Variants in KAZN observed in about 807,000 individuals in gnomAD.
KAZN encodes kazrin.
Under a neutral mutation model 87.4 loss-of-function variants are expected in KAZN, and 40 were observed. That is an observed-to-expected ratio of 0.46 (90% CI 0.36 to 0.60). The LOEUF is 0.60. KAZN is among the 20% of genes least tolerant of loss of function. KAZN has a pLI of 0.00. For synonymous variants in KAZN, 466 were observed against 458.3 expected (o/e 1.02, Z -0.22); for missense variants, 898 against 1,073.9 (o/e 0.84, Z 2.29).
chr1:14,947,121 C>T (rs1271336851), intron 1 of KAZN, among the ~76,000 whole-genome samples: 4 of 152,198 alleles, frequency 2.6e-5, no homozygotes, highest in Non-Finnish European at 5.9e-5. Flanking sequence ...TGGGCTCTCC[C>T]GGCCGTTGTA....
intron 2 of KAZN, among the ~76,000 whole-genome samples, chr1:14,237,709 C>A (rs1427766909): frequency 2.6e-5 from 4 of 152,022 alleles, no homozygotes; most frequent in Non-Finnish European, 5.9e-5. Flanking sequence ...AGTGCAAGGC[C>A]ATAGGGATAT....
intron 1 of KAZN, among the ~76,000 whole-genome samples, chr1:14,132,669 T>C (rs1366592541): frequency 6.6e-6 from 1 of 152,106 alleles, no homozygotes; most frequent in Admixed American, 6.5e-5. Context: ...AGCCAAAACC[T>C]GCCTTCTGAT....
At chr1:14,292,715 C>T (rs1441517309) in intron 2 of KAZN, among the ~76,000 whole-genome samples, 6 of 152,162 alleles carry the variant, frequency 3.9e-5, no homozygotes, top group Admixed American at 1.3e-4. Context: ...TTTTCATCTG[C>T]GTGTTGGTGC....
intron 1 of KAZN, among the ~76,000 whole-genome samples, chr1:14,865,728 A>T (rs1651374122): frequency 6.6e-6 from 1 of 152,168 alleles, no homozygotes; most frequent in African/African-American, 2.4e-5. Context: ...ACATGACCTT[A>T]TTTGAAAACA....
intron 2 of KAZN, among the ~76,000 whole-genome samples, chr1:14,342,724 T>C (rs975333570): frequency 6.6e-6 from 1 of 152,118 alleles, no homozygotes; most frequent in Admixed American, 6.5e-5. Context: ...TAAGAGATGA[T>C]GAGACAAGAG....
chr1:14,713,791 A>AG (rs1362002371), intron 1 of KAZN, among the ~76,000 whole-genome samples: 14 of 130,074 alleles, frequency 1.1e-4, no homozygotes, highest in East Asian at 4.9e-4. Context: ...AAAAAAAAAA[A>AG]AAAAAAAAAG....
chr1:14,743,063 G>A (rs1192940924), intron 1 of KAZN, among the ~76,000 whole-genome samples: 1 of 152,220 alleles, frequency 6.6e-6, no homozygotes, highest in Non-Finnish European at 1.5e-5. Flanking sequence ...TGCACTGTGT[G>A]TGGGCCAGAG....
intron 1 of KAZN, among the ~76,000 whole-genome samples, chr1:14,072,227 C>A (rs769267429): frequency 3.3e-5 from 5 of 152,150 alleles, no homozygotes; most frequent in Admixed American, 6.5e-5. Flanking sequence ...GCGATGAGTG[C>A]TCAGTTCATG....
At chr1:14,271,338 C>T (rs1316421749) in intron 2 of KAZN, among the ~76,000 whole-genome samples, 1 of 152,186 alleles carries the variant, frequency 6.6e-6, no homozygotes, top group Non-Finnish European at 1.5e-5. Context: ...GGGAGGAACC[C>T]TCAGCGCATA....
chr1:15,103,577 CA>C, intron 12 of KAZN, 117 bp downstream of exon 12: 1 of 733,590 alleles, frequency 1.4e-6, no homozygotes, highest in South Asian at 1.6e-5. Context: ...TCATGCAAAT[CA>C]ATGGGCAAAT....
chr1:14,961,424 GA>G (rs1477969433), intron 2 of KAZN, among the ~76,000 whole-genome samples: 5 of 152,188 alleles, frequency 3.3e-5, no homozygotes, highest in African/African-American at 1.2e-4. Flanking sequence ...TCTTCAGCCA[GA>G]AATTGCTTTA....
chr1:14,981,338 G>A (rs1240172206), intron 2 of KAZN, among the ~76,000 whole-genome samples: 1 of 152,244 alleles, frequency 6.6e-6, no homozygotes. Flanking sequence ...CTTAGCCCAT[G>A]AAGCATAGAC....
chr1:14,997,612 G>A (rs1341029199), intron 2 of KAZN, among the ~76,000 whole-genome samples: 3 of 152,164 alleles, frequency 2.0e-5, no homozygotes, highest in African/African-American at 7.2e-5. Flanking sequence ...GGTGTCTGAT[G>A]TATCCCCAGC....
chr1:14,159,041 T>C (rs866956268), intron 1 of KAZN, among the ~76,000 whole-genome samples: 1 of 152,134 alleles, frequency 6.6e-6, no homozygotes, highest in African/African-American at 2.4e-5. Flanking sequence ...ACTAAGATTG[T>C]GCTGGGTCAG....
chr1:14,207,787 A>G (rs964922433), intron 2 of KAZN, among the ~76,000 whole-genome samples: 2 of 152,126 alleles, frequency 1.3e-5, no homozygotes, highest in Admixed American at 1.3e-4. Context: ...TAGGACTTAG[A>G]TTACTAAGCT....
chr1:14,519,946 G>A (rs922757687), intron 2 of KAZN, among the ~76,000 whole-genome samples: 1 of 152,190 alleles, frequency 6.6e-6, no homozygotes, highest in Non-Finnish European at 1.5e-5. Context: ...TGGTGTGGGA[G>A]CTGTGGATGC....
intron 1 of KAZN, among the ~76,000 whole-genome samples, chr1:14,095,499 A>G (rs2101630179): frequency 1.3e-5 from 2 of 152,340 alleles, no homozygotes; most frequent in Middle Eastern, 6.8e-3. Context: ...GAGCTCAGAC[A>G]GGATGCAGTG....
At chr1:14,627,617 G>A (rs1679242113) in intron 1 of KAZN, among the ~76,000 whole-genome samples, 1 of 152,172 alleles carries the variant, frequency 6.6e-6, no homozygotes, top group African/African-American at 2.4e-5. Context: ...TATTCCTAGG[G>A]CTTAGCACAG....
intron 1 of KAZN, among the ~76,000 whole-genome samples, chr1:14,939,883 G>C (rs1660858838): frequency 6.6e-6 from 1 of 152,166 alleles, no homozygotes; most frequent in African/African-American, 2.4e-5. Flanking sequence ...CCAGTCACAG[G>C]GGGCCTGGGT....
Sources: gnomAD v4.1 joint callset for allele counts (sites outside exome capture counted in the v4.1 genomes callset) on GRCh38, gnomAD v4.1.1 for gene constraint, MANE v1.5 for transcripts, NCBI Gene and HGNC (gene_info 2026-07-23, HGNC 2026-07-21) for gene names.